The following RABGAP1L variants were observed in gnomAD, a reference collection of about 807,000 sequenced individuals.
RABGAP1L encodes rab GTPase-activating protein 1-like.
Under a neutral mutation model 137.7 loss-of-function variants are expected in RABGAP1L, and 63 were observed. That is an observed-to-expected ratio of 0.46 (90% CI 0.37 to 0.56). The LOEUF (loss-of-function observed/expected upper bound fraction) is 0.56, where lower values mean the gene tolerates loss of function less well. Among genes scored for constraint, RABGAP1L ranks in the 20% least tolerant of loss-of-function variants. The pLI, the probability that RABGAP1L is intolerant of heterozygous loss-of-function variation, is 0.00. For synonymous variants in RABGAP1L, 431 were observed against 433.7 expected (o/e 0.99, Z 0.08); for missense variants, 1,095 against 1,244.0 (o/e 0.88, Z 1.80).
chr1:174,650,453 C>A (rs1023617967), intron 14 of RABGAP1L, among the ~76,000 whole-genome samples: 14 of 152,074 alleles, frequency 9.2e-5, no homozygotes, highest in Non-Finnish European at 8.8e-5. Flanking sequence ...AGCTGTGAAT[C>A]CATCTGGTCC....
intron 12 of RABGAP1L, among the ~76,000 whole-genome samples, chr1:174,385,436 C>T (rs989084722): frequency 6.6e-6 from 1 of 152,124 alleles, no homozygotes; most frequent in Admixed American, 6.5e-5. Flanking sequence ...TAATCAATTT[C>T]ATGTAACATT....
intron 13 of RABGAP1L, among the ~76,000 whole-genome samples, chr1:174,632,636 A>G (rs1411966633): frequency 6.7e-6 from 1 of 149,360 alleles, no homozygotes; most frequent in East Asian, 1.9e-4. Context: ...GCTTCATTTC[A>G]TTCATTTCAT....
chr1:174,413,772 C>T (rs1364621788), intron 13 of RABGAP1L, among the ~76,000 whole-genome samples: 3 of 152,048 alleles, frequency 2.0e-5, no homozygotes, highest in Non-Finnish European at 2.9e-5. Context: ...TTATATTGGG[C>T]TGTGCAATTT....
intron 19 of RABGAP1L, among the ~76,000 whole-genome samples, chr1:174,821,441 T>C (rs1328489808): frequency 2.0e-5 from 3 of 152,204 alleles, no homozygotes; most frequent in African/African-American, 7.2e-5. Context: ...GCTGGACTAT[T>C]TTCTACTCTC....
chr1:174,619,016 G>C (rs2148257496), intron 13 of RABGAP1L, among the ~76,000 whole-genome samples: 1 of 152,312 alleles, frequency 6.6e-6, no homozygotes, highest in Admixed American at 6.5e-5. Flanking sequence ...TAGCCGATTT[G>C]ATCAACTGGA....
rs560668713 is a variant in RABGAP1L at position 174,429,568 on chromosome 1, G to A, written c.1710+35423G>A. On this transcript the variant is annotated intron_variant, in intron 13 of 25. Coordinates refer to ENST00000681986, the MANE Select transcript of RABGAP1L (RefSeq NM_001366446.1). ...CAGCCTGGCAACATGGTGAAACCCC[G>A]TCTCTACTAAGAATACAAAAATTAG... Among the ~76,000 whole-genome samples the A allele has an allele frequency of 1.3e-3, 203 of 151,884 alleles. 1 individual carries two copies. The highest frequency in any genetic ancestry group is 4.6e-3 in the African/African-American group (189 of 41,410).
intron 3 of RABGAP1L, among the ~76,000 whole-genome samples, chr1:174,228,657 G>A (rs980304446): frequency 1.3e-5 from 2 of 152,144 alleles, no homozygotes; most frequent in Non-Finnish European, 2.9e-5. Flanking sequence ...AGTTCATTTT[G>A]AATGGCTTTA....
chr1:174,449,204 C>T (rs1558244271), intron 13 of RABGAP1L: 1 of 1,552,728 alleles, frequency 6.4e-7, no homozygotes, highest in East Asian at 2.3e-5. Context: ...TTGAAGAGAG[C>T]TACATAGTAA....
chr1:174,425,582 T>C (rs1195983089), intron 13 of RABGAP1L, among the ~76,000 whole-genome samples: 1 of 152,098 alleles, frequency 6.6e-6, no homozygotes, highest in African/African-American at 2.4e-5. Context: ...CATAACTTAA[T>C]GGTCTTTATA....
At chr1:174,275,759 T>A (rs1288924338) in intron 8 of RABGAP1L, 74 bp from the exon 9 acceptor site, 29 of 1,109,060 alleles carry the variant, frequency 2.6e-5, no homozygotes, top group Non-Finnish European at 3.7e-5. Flanking sequence ...TTGTATTGCT[T>A]AAAGTAAGAT....
chr1:174,535,604 A>G lies in RABGAP1L; in HGVS notation c.1711-101771A>G, dbSNP rs967074062. ...ACATCTTAGATCCTCTATATTTACA[A>G]ATTTACAGCCCTTCATTTCCCAATT... On this transcript the variant is annotated intron_variant, in intron 13 of 25. Transcript: ENST00000681986. 4.6e-5 allele frequency among the ~76,000 whole-genome samples: 7 copies of G among 152,152 alleles called. No homozygotes were observed. The South Asian group carries it at 6.2e-4, about 14-fold the overall frequency.
intron 13 of RABGAP1L, among the ~76,000 whole-genome samples, chr1:174,438,543 C>T (rs1048953292): frequency 6.6e-6 from 1 of 151,506 alleles, no homozygotes; most frequent in African/African-American, 2.4e-5. Flanking sequence ...CATAGTGAAA[C>T]CCCATCTGTA....
At chr1:174,924,405 AAGAG>A (rs1317298152) in intron 19 of RABGAP1L, among the ~76,000 whole-genome samples, 7 of 151,186 alleles carry the variant, frequency 4.6e-5, no homozygotes, top group Admixed American at 6.6e-5. Flanking sequence ...AAAAAAAAAA[AAGAG>A]AGAGATACAA....
chr1:174,179,119 A>C (rs114002244), intron 1 of RABGAP1L, among the ~76,000 whole-genome samples: 3,583 of 152,194 alleles, frequency 0.024, 136 homozygotes, highest in African/African-American at 0.082. Context: ...TGTGTTGCCC[A>C]GGCTGTACTC....
Position 174,551,188 on chromosome 1 carries a change from G to T in RABGAP1L, c.1711-86187G>T, listed in dbSNP as rs1209938209. On this transcript the variant is annotated intron_variant, in intron 13 of 25. Coordinates refer to ENST00000681986, the MANE Select transcript of RABGAP1L (RefSeq NM_001366446.1). Reference sequence around the variant, plus strand: ...CGCACCACTGCACTCCAGCCTGGGCGACAGAGCAAGACTCCATCTCAAAAA... The same window carrying T: ...CGCACCACTGCACTCCAGCCTGGGCTACAGAGCAAGACTCCATCTCAAAAA... Among the ~76,000 whole-genome samples, 7 of 149,296 alleles carry T rather than the reference G, an allele frequency of 4.7e-5. No homozygotes were observed. The East Asian group carries it at 1.4e-3, about 30-fold the overall frequency.
Position 174,613,404 on chromosome 1 carries a change from G to C in RABGAP1L, c.1711-23971G>C, listed in dbSNP as rs540451328. ...CTTAATCCTGAGTTCTAGTTTGATT[G>C]CACTGTGGTCTGAGAGACAGTTTGT... On this transcript the variant is annotated intron_variant, in intron 13 of 25. Transcript: ENST00000681986. 1.6e-3 allele frequency among the ~76,000 whole-genome samples: 250 copies of C among 152,162 alleles called. 2 individuals carry two copies. The highest frequency in any genetic ancestry group is 3.7e-3 in the South Asian group (18 of 4,816).
At chr1:174,483,812 T>C (rs1659363848) in intron 13 of RABGAP1L, among the ~76,000 whole-genome samples, 1 of 147,090 alleles carries the variant, frequency 6.8e-6, no homozygotes, top group Admixed American at 6.8e-5. Context: ...GAGTGACAAC[T>C]CCATCTCAAA....
At chr1:174,505,237 A>C (rs894897696) in intron 13 of RABGAP1L, among the ~76,000 whole-genome samples, 10 of 152,184 alleles carry the variant, frequency 6.6e-5, no homozygotes, top group African/African-American at 2.4e-4. Context: ...TCAGATTGAG[A>C]AAAGCTATAA....
chr1:174,322,108 T>C (rs2148829967), intron 11 of RABGAP1L, among the ~76,000 whole-genome samples: 1 of 152,306 alleles, frequency 6.6e-6, no homozygotes, highest in Non-Finnish European at 1.5e-5. Flanking sequence ...TGGCAATTCT[T>C]TTCCTTTATG....
Sources: gnomAD v4.1 joint callset for allele counts (sites outside exome capture counted in the v4.1 genomes callset) on GRCh38, gnomAD v4.1.1 for gene constraint, MANE v1.5 for transcripts, NCBI Gene and HGNC (gene_info 2026-07-23, HGNC 2026-07-21) for gene names.